Variants in CEP126 observed in about 807,000 individuals in gnomAD.
CEP126 encodes the protein centrosomal protein of 126 kDa.
A neutral mutation model predicts 107.8 loss-of-function variants in CEP126; 74 were observed. The ratio of observed to expected loss-of-function variants is 0.69; its 90% CI spans 0.57 to 0.83. The LOEUF is 0.83. Among genes scored for constraint, CEP126 ranks in the 40% least tolerant of loss-of-function variants. CEP126 has a pLI of 0.00. For missense variants in CEP126, 1,237 were observed against 1,281.9 expected (o/e 0.96, Z 0.53); for synonymous variants, 449 against 446.0 (o/e 1.01, Z -0.08).
chr11:101,946,969 T>A (rs1022647460), intron 3 of CEP126, among the ~76,000 whole-genome samples: 10 of 152,224 alleles, frequency 6.6e-5, no homozygotes, highest in African/African-American at 2.4e-4. Context: ...ATTACTTTGA[T>A]AGATGCATCC....
intron 8 of CEP126, among the ~76,000 whole-genome samples, chr11:101,985,721 A>G (rs1429423626): frequency 6.6e-6 from 1 of 152,250 alleles, no homozygotes; most frequent in Non-Finnish European, 1.5e-5. Context: ...CATTTACAAT[A>G]ATGAAAAAAA....
chr11:101,990,369 G>A (rs2137134436), intron 9 of CEP126, among the ~76,000 whole-genome samples: 1 of 152,280 alleles, frequency 6.6e-6, no homozygotes, highest in East Asian at 1.9e-4. Context: ...CTGGGACAGA[G>A]GCAGCGTACC....
chr11:101,921,571 G>T (rs1451798670), intron 1 of CEP126, among the ~76,000 whole-genome samples: 2 of 151,590 alleles, frequency 1.3e-5, no homozygotes, highest in Admixed American at 1.3e-4. Flanking sequence ...ACTAGGTGTG[G>T]TGGCACATGC....
chr11:101,922,623 A>C lies in CEP126; in HGVS notation c.129-18A>C. 6.3e-7 allele frequency: 1 copy of C among 1,586,730 alleles called. No homozygotes were observed. Among genetic ancestry groups the C allele is most frequent in the Non-Finnish European group, 8.6e-7 (1 of 1,156,548 alleles). ...CTAAAGATGTAGACCATTGTTCTTA[A>C]CTTAATGCTATCATTAGAGATATGA... is the stretch of plus-strand genomic sequence containing the variant. On this transcript the variant is annotated intron_variant, in intron 1 of 10. Transcript: ENST00000263468.
Position 101,962,857 on chromosome 11 carries a change from G to T in CEP126, c.1822G>T (p.Ala608Ser), listed in dbSNP as rs370867841. Residue 608 changes from alanine (A) to serine (S), a missense_variant, in exon 6 of 11, where the codon GCT becomes TCT. Coordinates refer to ENST00000263468, the MANE Select transcript of CEP126 (RefSeq NM_020802.4). ...TAAGTTTGGAAATCAAAAAGCAGCA[G>T]CTATCAGAGATAGTATTGAATTAAC... ...SFKFGNQKAAAIRDSIELTKE... is the reference protein window; with the variant it reads ...SFKFGNQKAASIRDSIELTKE... The T allele has an allele frequency of 3.1e-6, 5 of 1,602,182 alleles. No individual in the cohort carries two copies. Among genetic ancestry groups the T allele is most frequent in the Non-Finnish European group, 4.2e-6 (5 of 1,178,232 alleles).
intron 4 of CEP126, 61 bp from the exon 5 acceptor site, chr11:101,958,107 C>A: frequency 7.1e-7 from 1 of 1,399,080 alleles, no homozygotes; most frequent in Non-Finnish European, 1.0e-6. Flanking sequence ...CATGTATATA[C>A]ATATAGAAAG....
intron 6 of CEP126, among the ~76,000 whole-genome samples, chr11:101,967,965 GAC>G (rs970081401): frequency 6.6e-6 from 1 of 152,068 alleles, no homozygotes; most frequent in African/African-American, 2.4e-5. Flanking sequence ...CAGCAACTTT[GAC>G]ACACAGAGAT....
chr11:101,946,077 C>T (rs1940732443), intron 3 of CEP126, among the ~76,000 whole-genome samples: 1 of 151,708 alleles, frequency 6.6e-6, no homozygotes, highest in Non-Finnish European at 1.5e-5. Context: ...ATGTTAAGCT[C>T]CTAAATTAAA....
chr11:101,976,578 G>A (rs1475721330), intron 6 of CEP126, among the ~76,000 whole-genome samples: 1 of 152,054 alleles, frequency 6.6e-6, no homozygotes, highest in Admixed American at 6.6e-5. Context: ...TATTTCTCAA[G>A]ACATTTAAGT....
In CEP126 at chr11:101,915,289, T is replaced by C. The variant is rs149781214; in HGVS notation, c.5T>C (p.Leu2Pro). The C allele has an allele frequency of 5.6e-6, 9 of 1,613,408 alleles. No homozygotes were observed. The highest frequency in any genetic ancestry group is 7.6e-6 in the Non-Finnish European group (9 of 1,179,886). Reference sequence around the variant, plus strand: ...CAGGCGGCGCTGAAGTGAAGGATGCTGGCGGGGAGGCCCGGAACCCGGAGC... The same window carrying C: ...CAGGCGGCGCTGAAGTGAAGGATGCCGGCGGGGAGGCCCGGAACCCGGAGC... M[L>P]AGRPGTRSAV... The change falls in exon 1 of 11, where the codon CTG becomes CCG. Residue 2 changes from leucine to proline, a missense_variant. Leu to Pro is a moderately conservative substitution (Grantham distance 98). This residue lies in a region of CEP126 where 1,134 missense variants were observed against 1,150.5 expected (regional missense o/e 0.99). Transcript: ENST00000263468.
intron 1 of CEP126, among the ~76,000 whole-genome samples, chr11:101,918,962 A>G (rs11225063): frequency 0.092 from 13,951 of 152,268 alleles, 808 homozygotes; most frequent in East Asian, 0.27. Flanking sequence ...GTGCGTCTGG[A>G]CATAGGATTC....
chr11:101,977,924 G>T (rs1941211413), intron 6 of CEP126, among the ~76,000 whole-genome samples: 1 of 152,122 alleles, frequency 6.6e-6, no homozygotes, highest in African/African-American at 2.4e-5. Context: ...AGATAACTGA[G>T]TTTACTTCAT....
intron 9 of CEP126, among the ~76,000 whole-genome samples, chr11:101,992,347 G>T (rs1378517484): frequency 6.6e-6 from 1 of 151,872 alleles, no homozygotes; most frequent in Non-Finnish European, 1.5e-5. Context: ...TTGCTCAGAT[G>T]CTTGCTATTA....
chr11:101,915,522 T>C, intron 1 of CEP126, 110 bp downstream of exon 1: 1 of 1,356,148 alleles, frequency 7.4e-7, no homozygotes, highest in Non-Finnish European at 1.0e-6. Flanking sequence ...AACTAGCAAG[T>C]CATCTTAGTG....
intron 10 of CEP126, among the ~76,000 whole-genome samples, chr11:101,994,938 A>G (rs1387148903): frequency 1.3e-5 from 2 of 151,264 alleles, no homozygotes; most frequent in Non-Finnish European, 1.5e-5. Flanking sequence ...GGTTTGTTAC[A>G]TAGGTATACA....
intron 7 of CEP126, among the ~76,000 whole-genome samples, chr11:101,980,081 CAAT>C (rs1305841698): frequency 6.6e-6 from 1 of 152,046 alleles, no homozygotes; most frequent in Non-Finnish European, 1.5e-5. Context: ...GAATAATCAA[CAAT>C]GATCTAATCT....
intron 1 of CEP126, among the ~76,000 whole-genome samples, chr11:101,921,777 C>CTTTTTTTTTT (rs747642967): frequency 1.5e-4 from 8 of 55,006 alleles, no homozygotes; most frequent in Non-Finnish European, 2.0e-4. Flanking sequence ...TTCATGATTT[C>CTTTTTTTTTT]TTTTTTTTTT....
At chr11:101,953,161 A>G (rs1029700461) in intron 4 of CEP126, among the ~76,000 whole-genome samples, 1 of 152,154 alleles carries the variant, frequency 6.6e-6, no homozygotes, top group African/African-American at 2.4e-5. Context: ...CTCCCATGGA[A>G]GAGATATGTC....
intron 6 of CEP126, among the ~76,000 whole-genome samples, chr11:101,972,660 G>A (rs1464285830): frequency 6.6e-6 from 1 of 151,978 alleles, no homozygotes; most frequent in African/African-American, 2.4e-5. Flanking sequence ...AATTAGCCGG[G>A]TGTGCTGGCG....
Sources: gnomAD v4.1 joint callset for allele counts (sites outside exome capture counted in the v4.1 genomes callset) on GRCh38, gnomAD v4.1.1 for gene constraint, gnomAD v4.1.1 regional missense constraint, MANE v1.5 for transcripts, NCBI Gene and HGNC (gene_info 2026-07-23, HGNC 2026-07-21) for gene names.